The following WDR27 variants were observed in gnomAD, a reference collection of about 807,000 sequenced individuals.
WDR27 encodes the protein WD repeat domain 27, also known as WD repeat-containing protein 27.
Under a neutral mutation model 114.4 loss-of-function variants are expected in WDR27, and 100 were observed. The observed-to-expected ratio is 0.87, with a 90% CI of 0.74 to 1.03. The LOEUF is 1.03. Ranked by LOEUF, WDR27 falls within the 50% of genes least tolerant of loss-of-function variation. WDR27 has a pLI of 0.00. For synonymous variants in WDR27, 449 were observed against 423.1 expected, an observed-to-expected ratio of 1.06 and a Z score of -0.75; for missense variants, 1,129 against 1,092.9, an observed-to-expected ratio of 1.03 and a Z score of -0.47.
intron 25 of WDR27, among the ~76,000 whole-genome samples, chr6:169,491,294 A>G (rs937070550): frequency 3.9e-5 from 6 of 152,180 alleles, no homozygotes; most frequent in Non-Finnish European, 8.8e-5. Flanking sequence ...CTTTAGAGCA[A>G]TAACTCTGGA....
At chr6:169,479,246 A>C (rs1174363526) in intron 25 of WDR27, among the ~76,000 whole-genome samples, 1 of 152,234 alleles carries the variant, frequency 6.6e-6, no homozygotes, top group African/African-American at 2.4e-5. Context: ...GACACATCTC[A>C]AAAGAAGACA....
intron 3 of WDR27, 27 bp downstream of exon 3, chr6:169,672,227 TA>T: frequency 6.2e-7 from 1 of 1,607,806 alleles, no homozygotes; most frequent in Non-Finnish European, 8.5e-7. Context: ...TGCAGGTTTT[TA>T]AAAACATGTT....
chr6:169,680,827 C>T (rs1178797778), intron 2 of WDR27, among the ~76,000 whole-genome samples: 1 of 152,176 alleles, frequency 6.6e-6, no homozygotes, highest in Non-Finnish European at 1.5e-5. Flanking sequence ...AACAGTATCA[C>T]TTTATAATAA....
chr6:169,452,372 C>T, downstream of WDR27, among the ~76,000 whole-genome samples: 1 of 152,236 alleles, frequency 6.6e-6, no homozygotes, highest in East Asian at 1.9e-4. Context: ...TGGTAAATGG[C>T]TGTAGATTAC....
At chr6:169,444,893 G>A in the WDR27 span, among the ~76,000 whole-genome samples, 4 of 152,144 alleles carry the variant, frequency 2.6e-5, no homozygotes. Context: ...ACAGCCCTCT[G>A]TGCATGCAGG....
intron 8 of WDR27, among the ~76,000 whole-genome samples, chr6:169,663,387 T>C (rs1444419571): frequency 5.3e-5 from 8 of 151,792 alleles, no homozygotes. Context: ...AAAGAATGAG[T>C]AACCAGAATG....
chr6:169,456,011 G>A (rs1254744738), downstream of WDR27, among the ~76,000 whole-genome samples: 1 of 152,078 alleles, frequency 6.6e-6, no homozygotes, highest in Non-Finnish European at 1.5e-5. The surrounding 1 kb of genome is among the most constrained non-coding windows in gnomAD (Gnocchi z 4.0). Context: ...ATAGCAATAT[G>A]TGTCAGAAAC....
chr6:169,526,206 C>A (rs1283726328), intron 25 of WDR27, among the ~76,000 whole-genome samples: 2 of 152,130 alleles, frequency 1.3e-5, no homozygotes, highest in Admixed American at 6.6e-5. Context: ...ACATTATGTG[C>A]AAATGGATCA....
chr6:169,573,105 G>A (rs753713437), intron 24 of WDR27, among the ~76,000 whole-genome samples: 2 of 151,978 alleles, frequency 1.3e-5, no homozygotes, highest in South Asian at 2.1e-4. Context: ...CGAGCCTCCC[G>A]GGGTGCACCT....
At chr6:169,588,194 G>A (rs1805027069) in intron 23 of WDR27, among the ~76,000 whole-genome samples, 2 of 152,210 alleles carry the variant, frequency 1.3e-5, no homozygotes, top group South Asian at 2.1e-4. Context: ...AGCAAGAGCA[G>A]GGGTGATGAA....
the WDR27 span, among the ~76,000 whole-genome samples, chr6:169,446,807 C>T: frequency 6.6e-6 from 1 of 152,118 alleles, no homozygotes; most frequent in Admixed American, 6.5e-5. Flanking sequence ...TGGTTATTAA[C>T]ATTATTAATA....
chr6:169,635,417 C>A (rs1817449129), intron 19 of WDR27, among the ~76,000 whole-genome samples: 1 of 152,172 alleles, frequency 6.6e-6, no homozygotes, highest in Non-Finnish European at 1.5e-5. Flanking sequence ...GTCCCAGGCA[C>A]CTCTGAAGAC....
In WDR27 at chr6:169,659,133, C is replaced by T. The variant is rs201783872; in HGVS notation, c.1272G>A (p.Arg424=). The change falls in exon 12 of 26, where the codon AGG becomes AGA. Residue 424 remains arginine, a synonymous_variant. Transcript: ENST00000448612. This position sits in a 1 kb window ranked among gnomAD's most constrained non-coding sequence, Gnocchi z 4.3. ...VLEINPAALV[R]AQQCPSMGQS... ...GCCCCATGCTGGGGCACTGCTGAGC[C>T]CTGACTAGCGCGGCCGGGTTGATCT... is the stretch of plus-strand genomic sequence containing the variant. 740 of 1,610,064 alleles carry T rather than the reference C, an allele frequency of 4.6e-4. No individual in the cohort carries two copies. The highest frequency in any genetic ancestry group is 4.8e-4 in the Non-Finnish European group (566 of 1,178,216).
At chr6:169,429,350 G>A in the WDR27 span, among the ~76,000 whole-genome samples, 5 of 151,700 alleles carry the variant, frequency 3.3e-5, no homozygotes, top group African/African-American at 1.2e-4. Flanking sequence ...CCACCGGATG[G>A]CTTCTGTCCT....
intron 1 of WDR27, among the ~76,000 whole-genome samples, chr6:169,696,492 A>T (rs1786029435): frequency 6.6e-6 from 1 of 152,222 alleles, no homozygotes; most frequent in Admixed American, 6.5e-5. Flanking sequence ...ACATATAAAA[A>T]GCTGTCCGAT....
intron 25 of WDR27, among the ~76,000 whole-genome samples, chr6:169,534,065 C>T (rs1795937656): frequency 1.3e-5 from 2 of 152,164 alleles, no homozygotes; most frequent in African/African-American, 4.8e-5. Flanking sequence ...AAGCCCCCTT[C>T]CATTTGCTGC....
At chr6:169,675,684 C>A (rs1779903869) in intron 2 of WDR27, among the ~76,000 whole-genome samples, 1 of 152,108 alleles carries the variant, frequency 6.6e-6, no homozygotes, top group Admixed American at 6.5e-5. Context: ...TTCTGGTTGA[C>A]AATTGGTTGT....
Position 169,688,750 on chromosome 6 carries a change from A to G in WDR27, c.189+67T>C, listed in dbSNP as rs901844804. On this transcript the variant is annotated intron_variant, in intron 2 of 25. Transcript: ENST00000448612. ...CCACAGAGGGTAATGCTGTCCGAAC[A>G]GCATCAAAGACATGGAGAGACAAGG... The G allele has an allele frequency of 5.4e-6, 7 of 1,294,866 alleles. No individual in the cohort carries two copies. In the Admixed American group the frequency reaches 1.3e-4, roughly 25 times the overall value. 80.2% of individuals were successfully genotyped at this position (1,294,866 alleles called of 1,614,324 possible).
intron 25 of WDR27, among the ~76,000 whole-genome samples, chr6:169,527,526 C>G (rs73790000): frequency 0.016 from 2,487 of 152,202 alleles, 65 homozygotes; most frequent in African/African-American, 0.057. Context: ...CAGGGTGATT[C>G]AAGTGTCCCA....
Sources: gnomAD v4.1 joint callset for allele counts (sites outside exome capture counted in the v4.1 genomes callset) on GRCh38, gnomAD v4.1.1 for gene constraint, Gnocchi (gnomAD v3.1) non-coding constraint, MANE v1.5 for transcripts, NCBI Gene and HGNC (gene_info 2026-07-23, HGNC 2026-07-21) for gene names.